Variants in HIP1 observed in about 807,000 individuals in gnomAD.
The protein encoded by HIP1 is huntingtin interacting protein 1, also known as huntingtin-interacting protein 1.
In HIP1, 65 loss-of-function variants were observed where a neutral mutation model predicts 147.6. The observed-to-expected ratio is 0.44, with a 90% CI of 0.36 to 0.54. The LOEUF is 0.54. HIP1 is among the 20% of genes least tolerant of loss of function. The pLI is 0.00. For missense variants in HIP1, 1,061 were observed against 1,299.6 expected (o/e 0.82, Z 2.82); for synonymous variants, 479 against 504.0 (o/e 0.95, Z 0.67).
chr7:75,592,580 C>A lies in HIP1; in HGVS notation c.185-66G>T. On this transcript the variant is annotated intron_variant, in intron 2 of 30. Coordinates refer to ENST00000336926, the MANE Select transcript of HIP1 (RefSeq NM_005338.7). ...GTCACTGCAGGGGACTGAGCCTGCACCCAGCCACTGCAGGGGACTGAGCCT... is the reference window on the plus strand; with the variant it reads ...GTCACTGCAGGGGACTGAGCCTGCAACCAGCCACTGCAGGGGACTGAGCCT... The A allele has an allele frequency of 6.0e-6, 9 of 1,493,954 alleles. No individual in the cohort carries two copies. In the South Asian group the frequency reaches 9.6e-5, roughly 16 times the overall value. The allele number at this position is 1,493,954 out of a possible 1,614,324, so 92.5% of individuals were successfully genotyped here.
intron 1 of HIP1, among the ~76,000 whole-genome samples, chr7:75,666,885 T>G (rs972490114): frequency 1.3e-5 from 2 of 152,186 alleles, no homozygotes; most frequent in East Asian, 3.8e-4. Flanking sequence ...TTCACCGTTA[T>G]GCGACGCTCC....
intron 1 of HIP1, among the ~76,000 whole-genome samples, chr7:75,687,118 T>C (rs1800288985): frequency 6.6e-6 from 1 of 152,182 alleles, no homozygotes; most frequent in Admixed American, 6.6e-5. Context: ...TGGACATTTG[T>C]ACAGCACTTG....
In HIP1 at chr7:75,553,301, C is replaced by G. The variant is rs10046542; in HGVS notation, c.2295+152G>C. 3.2e-5 allele frequency: 32 copies of G among 990,170 alleles called. No individual in the cohort carries two copies. The African/African-American group carries it at 4.0e-4, about 12-fold the overall frequency. The allele number at this position is 990,170 out of a possible 1,614,324, so 61.3% of individuals were successfully genotyped here. Reference sequence around the variant, plus strand: ...GATTACACGCATAAATCACTGCACCCGGCCAGATTTTCCAATTTTAACAAT... The same window carrying G: ...GATTACACGCATAAATCACTGCACCGGGCCAGATTTTCCAATTTTAACAAT... On this transcript the variant is annotated intron_variant, in intron 22 of 30. Transcript: ENST00000336926.
chr7:75,555,677 C>T, intron 18 of HIP1, 126 bp from the exon 19 acceptor site: 1 of 1,040,124 alleles, frequency 9.6e-7, no homozygotes. Flanking sequence ...GCCAGTAAGC[C>T]TGAGACAGAG....
intron 1 of HIP1, among the ~76,000 whole-genome samples, chr7:75,691,287 G>A (rs1373403928): frequency 6.6e-6 from 1 of 151,802 alleles, no homozygotes; most frequent in Admixed American, 6.6e-5. Context: ...TCAGGATTTC[G>A]AGACCAGTCT....
intron 1 of HIP1, among the ~76,000 whole-genome samples, chr7:75,652,295 T>A (rs1554512106): frequency 6.9e-6 from 1 of 145,726 alleles, no homozygotes; most frequent in Admixed American, 7.0e-5. Flanking sequence ...CCAGCCTGGG[T>A]GACAGAGCGA....
rs782205798 is a variant in HIP1 at position 75,563,237 on chromosome 7, C to T, written c.830G>A (p.Ser277Asn). 76 of 1,614,086 alleles carry T rather than the reference C, an allele frequency of 4.7e-5. No individual in the cohort carries two copies. Among genetic ancestry groups the T allele is most frequent in the Non-Finnish European group, 5.8e-5 (68 of 1,180,034 alleles). The part of the protein sequence containing the change: ...TKLKDLFYRS[S>N]NLQYFKRLIQ... ...GAGCCGCTTGAAGTACTGCAGGTTGCTGGAGCGGTAGAACAGATCTTTCAA... is the reference window on the plus strand; with the variant it reads ...GAGCCGCTTGAAGTACTGCAGGTTGTTGGAGCGGTAGAACAGATCTTTCAA... The change falls in exon 10 of 31, where the codon AGC (serine) becomes AAC (asparagine). Residue 277 changes from serine to asparagine, a missense_variant. Around this residue, in one of 3 missense-constraint regions of HIP1, gnomAD observed 810 missense variants for 946.8 expected, o/e 0.86. Transcript: ENST00000336926.
intron 1 of HIP1, among the ~76,000 whole-genome samples, chr7:75,727,845 CAAAAAA>C (rs1169732794): frequency 5.9e-5 from 4 of 67,300 alleles, no homozygotes; most frequent in Non-Finnish European, 9.1e-5. Flanking sequence ...GACTCCATCT[CAAAAAA>C]AAAAAAAAAA....
chr7:75,546,255 T>C (rs1278255529), intron 25 of HIP1, among the ~76,000 whole-genome samples: 1 of 152,152 alleles, frequency 6.6e-6, no homozygotes, highest in African/African-American at 2.4e-5. Flanking sequence ...GCTTTGGAAG[T>C]GTCTGATAGT....
Position 75,539,366 on chromosome 7 carries a change from T to C in HIP1, c.3018A>G (p.Lys1006=). 6.2e-7 allele frequency: 1 copy of C among 1,614,228 alleles called. No homozygotes were observed. The highest frequency in any genetic ancestry group is 8.5e-7 in the Non-Finnish European group (1 of 1,180,034). Residue 1006 remains lysine, a synonymous_variant, in exon 30 of 31, where the codon AAA becomes AAG. Transcript: ENST00000336926. ...KERQKLGELR[K]KHYELAGVAE... ...CAACACCAGCAAGCTCGTAGTGCTTTTTCCGAAGCTCTCCCAGTTTTTGAC... is the reference window on the plus strand; with the variant it reads ...CAACACCAGCAAGCTCGTAGTGCTTCTTCCGAAGCTCTCCCAGTTTTTGAC...
chr7:75,544,673 A>G, intron 27 of HIP1, 22 bp downstream of exon 27: 1 of 1,461,302 alleles, frequency 6.8e-7, no homozygotes, highest in South Asian at 1.1e-5. Context: ...CCAGCGTCCT[A>G]GGAGGTCCAG....
At chr7:75,570,451 C>T (rs1247535743) in intron 8 of HIP1, among the ~76,000 whole-genome samples, 7 of 151,240 alleles carry the variant, frequency 4.6e-5, no homozygotes, top group Non-Finnish European at 7.4e-5. Context: ...GCCACCACGC[C>T]CGGCTAATTT....
intron 1 of HIP1, among the ~76,000 whole-genome samples, chr7:75,674,606 C>A (rs1488895000): frequency 1.3e-5 from 2 of 151,812 alleles, no homozygotes; most frequent in Non-Finnish European, 2.9e-5. Flanking sequence ...CATTCTCCTG[C>A]CTCAGCCTCC....
intron 1 of HIP1, among the ~76,000 whole-genome samples, chr7:75,737,410 C>G (rs1554523826): frequency 6.6e-6 from 1 of 152,078 alleles, no homozygotes; most frequent in East Asian, 1.9e-4. Flanking sequence ...GTGGCGCCAT[C>G]TCGGCTCACT....
intron 1 of HIP1, among the ~76,000 whole-genome samples, chr7:75,674,665 G>A (rs186153007): frequency 3.4e-4 from 52 of 151,948 alleles, no homozygotes; most frequent in Non-Finnish European, 6.8e-4. Flanking sequence ...ACTAATTTTT[G>A]TATTTTTAGT....
At chr7:75,726,437 C>T (rs576888147) in intron 1 of HIP1, among the ~76,000 whole-genome samples, 1 of 152,198 alleles carries the variant, frequency 6.6e-6, no homozygotes, top group South Asian at 2.1e-4. Context: ...GCACATGCCA[C>T]CACACCTGGC....
At position 75,607,932 on chromosome 7, in the gene HIP1, G is replaced by A. The variant is rs369092166; in HGVS notation, c.121-8685C>T. 1.4e-4 allele frequency among the ~76,000 whole-genome samples: 21 copies of A among 152,088 alleles called. No individual in the cohort carries two copies. In the East Asian group the frequency reaches 3.7e-3, roughly 27 times the overall value. On this transcript the variant is annotated intron_variant, in intron 1 of 30. Transcript: ENST00000336926. Reference sequence around the variant, plus strand: ...AAATTCACAAGATGAAATCCAGTAGGTACAAAGGAAATTTTCTATACTTAG... The same window carrying A: ...AAATTCACAAGATGAAATCCAGTAGATACAAAGGAAATTTTCTATACTTAG...
At chr7:75,684,570 T>C (rs1800197533) in intron 1 of HIP1, among the ~76,000 whole-genome samples, 1 of 152,128 alleles carries the variant, frequency 6.6e-6, no homozygotes, top group East Asian at 1.9e-4. Flanking sequence ...GGGCCCAGTA[T>C]TCACAGTTTT....
At chr7:75,676,108 T>C (rs1383327052) in intron 1 of HIP1, among the ~76,000 whole-genome samples, 1 of 152,194 alleles carries the variant, frequency 6.6e-6, no homozygotes, top group Non-Finnish European at 1.5e-5. Context: ...GGTTTGTTCT[T>C]GTTGCTGTTT....
Sources: allele counts gnomAD v4.1 joint callset (sites outside exome capture counted in the v4.1 genomes callset), GRCh38; gene constraint gnomAD v4.1.1; regional missense constraint gnomAD v4.1.1; transcripts MANE v1.5; gene names NCBI Gene and HGNC (gene_info 2026-07-23, HGNC 2026-07-21).